POLR3B: variants seen among roughly 807,000 people sequenced by gnomAD.
POLR3B encodes the protein RNA polymerase III subunit B.
Under a neutral mutation model 147.4 loss-of-function variants are expected in POLR3B, and 96 were observed. The observed-to-expected ratio is 0.65, with a 90% CI of 0.55 to 0.77. The LOEUF (loss-of-function observed/expected upper bound fraction) is 0.77, where lower values mean the gene tolerates loss of function less well. POLR3B is among the 30% of genes least tolerant of loss of function. The pLI is 0.00. For synonymous variants in POLR3B, 461 were observed against 485.9 expected (o/e 0.95, Z 0.67); for missense variants, 1,036 against 1,413.5 (o/e 0.73, Z 4.28).
intron 23 of POLR3B, among the ~76,000 whole-genome samples, chr12:106,477,020 T>C (rs1322891882): frequency 2.0e-5 from 3 of 148,980 alleles, no homozygotes; most frequent in Non-Finnish European, 3.0e-5. Flanking sequence ...TGGTCTTTGA[T>C]GATGGTGATG....
intron 2 of POLR3B, among the ~76,000 whole-genome samples, chr12:106,366,060 G>A (rs1174739975): frequency 6.6e-6 from 1 of 152,004 alleles, no homozygotes; most frequent in Non-Finnish European, 1.5e-5. Flanking sequence ...AGGACCTGCC[G>A]GAGGCTCTTC....
At chr12:106,424,153 C>A (rs1337758269) in intron 12 of POLR3B, among the ~76,000 whole-genome samples, 1 of 150,346 alleles carries the variant, frequency 6.7e-6, no homozygotes, top group Non-Finnish European at 1.5e-5. Context: ...CGAGCCCAGC[C>A]CTCATGGTGT....
At chr12:106,369,955 T>C (rs2036582470) in intron 6 of POLR3B, among the ~76,000 whole-genome samples, 1 of 152,184 alleles carries the variant, frequency 6.6e-6, no homozygotes, top group Non-Finnish European at 1.5e-5. Context: ...CAATAGCCTT[T>C]CAGTGAACTC....
intron 21 of POLR3B, among the ~76,000 whole-genome samples, chr12:106,457,592 TG>T (rs2037880873): frequency 6.6e-6 from 1 of 152,244 alleles, no homozygotes; most frequent in South Asian, 2.1e-4. Flanking sequence ...GCATCTGCAC[TG>T]GTATTTCTTC....
At position 106,395,542 on chromosome 12, in the gene POLR3B, C is replaced by T. The variant is rs961220224; in HGVS notation, c.846+2389C>T. ...ATCCCCATGATCCAGCCACCACCCA[C>T]CAGGCCCCACCTCCAACAATGGGCA... is the stretch of plus-strand genomic sequence containing the variant. On this transcript the variant is annotated intron_variant, in intron 10 of 27. Coordinates refer to ENST00000228347, the MANE Select transcript of POLR3B (RefSeq NM_018082.6). Among the ~76,000 whole-genome samples, 4 of 152,174 alleles carry T rather than the reference C, an allele frequency of 2.6e-5. No homozygotes were observed. The South Asian group carries it at 8.3e-4, about 32-fold the overall frequency.
chr12:106,401,788 A>G (rs1022533361), intron 10 of POLR3B, among the ~76,000 whole-genome samples: 7 of 152,208 alleles, frequency 4.6e-5, no homozygotes, highest in African/African-American at 1.7e-4. Context: ...CTCTCAATAA[A>G]TTAGGTATTG....
In POLR3B at chr12:106,432,277, C is replaced by G. The variant is rs749084066; in HGVS notation, c.1465-41C>G. 14 of 1,579,186 alleles carry G rather than the reference C, an allele frequency of 8.9e-6. No individual in the cohort carries two copies. The East Asian group carries it at 2.9e-4, about 33-fold the overall frequency. On this transcript the variant is annotated intron_variant, in intron 14 of 27. Transcript: ENST00000228347. Reference sequence around the variant, plus strand: ...CAGATGTAAACTGTACTTTGTATTACTAATGTTCATTCTTAGAAATGACCA... The same window carrying G: ...CAGATGTAAACTGTACTTTGTATTAGTAATGTTCATTCTTAGAAATGACCA...
chr12:106,393,468 A>G (rs1457194531), intron 10 of POLR3B, among the ~76,000 whole-genome samples: 12 of 149,120 alleles, frequency 8.0e-5, no homozygotes, highest in Admixed American at 7.4e-4. Context: ...TTTTTAAACT[A>G]TGGCAACTCT....
At position 106,426,849 on chromosome 12, in the gene POLR3B, C is replaced by A. The variant is rs1035271398; in HGVS notation, c.1102-348C>A. The stretch of plus-strand genomic sequence containing the variant: ...AATTCTTCTCCACCGTCCCCCCCCC[C>A]CCCCCCCGTCCTTTTTGGTTTTAAT... On this transcript the variant is annotated intron_variant, in intron 12 of 27. Coordinates refer to ENST00000228347, the MANE Select transcript of POLR3B (RefSeq NM_018082.6). Among the ~76,000 whole-genome samples the A allele has an allele frequency of 1.6e-4, 16 of 103,094 alleles. 3 individuals are homozygous for A. In the South Asian group the frequency reaches 5.0e-3, roughly 32 times the overall value. The allele number at this position is 103,094 out of a possible 152,430, so 67.6% of individuals were successfully genotyped here. A position where few individuals can be genotyped will look rare whatever the true frequency, so the allele number is the denominator to read the frequency against.
intron 10 of POLR3B, among the ~76,000 whole-genome samples, chr12:106,400,524 TC>T (rs1349142726): frequency 1.3e-5 from 2 of 152,202 alleles, no homozygotes; most frequent in African/African-American, 2.4e-5. Context: ...GAATATACAT[TC>T]TTTTCAGCAC....
At chr12:106,410,645 G>A in intron 11 of POLR3B, 181 bp from the exon 12 acceptor site, 1 of 632,210 alleles carries the variant, frequency 1.6e-6, no homozygotes, top group East Asian at 2.8e-5. Context: ...TGAGGACAAT[G>A]ATGAAAAGTC....
intron 12 of POLR3B, among the ~76,000 whole-genome samples, chr12:106,412,248 G>A (rs1307871139): frequency 6.6e-6 from 1 of 152,026 alleles, no homozygotes; most frequent in African/African-American, 2.4e-5. Context: ...GAACTTGGCT[G>A]AAAACCTCTG....
intron 1 of POLR3B, 23 bp downstream of exon 1, chr12:106,357,974 G>A (rs770237007): frequency 1.2e-6 from 2 of 1,610,576 alleles, no homozygotes; most frequent in East Asian, 4.5e-5. Flanking sequence ...CACGCAGGGA[G>A]CGTCAGGGAC....
chr12:106,384,328 A>C (rs953175347), intron 9 of POLR3B, among the ~76,000 whole-genome samples: 5 of 152,230 alleles, frequency 3.3e-5, no homozygotes, highest in African/African-American at 1.2e-4. Context: ...TTATCAAGCA[A>C]AATAAAAAAA....
chr12:106,416,825 T>G (rs2037310029), intron 12 of POLR3B, among the ~76,000 whole-genome samples: 1 of 152,120 alleles, frequency 6.6e-6, no homozygotes, highest in Non-Finnish European at 1.5e-5. Flanking sequence ...CGGCCTCATC[T>G]CATGCCAAAG....
At chr12:106,498,192 A>C (rs7978568) in intron 25 of POLR3B, among the ~76,000 whole-genome samples, 7 of 152,274 alleles carry the variant, frequency 4.6e-5, no homozygotes, top group Admixed American at 2.6e-4. Context: ...GCATTCGAAG[A>C]GTGTTTAAGG....
intron 9 of POLR3B, among the ~76,000 whole-genome samples, chr12:106,385,263 G>A (rs1184039166): frequency 6.6e-6 from 1 of 152,090 alleles, no homozygotes; most frequent in Non-Finnish European, 1.5e-5. Context: ...TTCAGTATTT[G>A]GTATAATTCA....
chr12:106,398,578 C>A (rs1387210046), intron 10 of POLR3B, among the ~76,000 whole-genome samples: 1 of 152,128 alleles, frequency 6.6e-6, no homozygotes, highest in Non-Finnish European at 1.5e-5. Flanking sequence ...CTGGGAGGCA[C>A]CCCCCAGTAG....
chr12:106,459,128 G>C (rs972689956), intron 21 of POLR3B, 123 bp from the exon 22 acceptor site: 1 of 717,872 alleles, frequency 1.4e-6, no homozygotes, highest in Non-Finnish European at 2.6e-6. Flanking sequence ...GGTTCAAGCA[G>C]TCCTCCTACC....
Sources: gnomAD v4.1 joint callset for allele counts (sites outside exome capture counted in the v4.1 genomes callset) on GRCh38, gnomAD v4.1.1 for gene constraint, MANE v1.5 for transcripts, NCBI Gene and HGNC (gene_info 2026-07-23, HGNC 2026-07-21) for gene names.